The following ST14 variants were observed in gnomAD, a reference collection of about 807,000 sequenced individuals.
The protein encoded by ST14 is suppressor of tumorigenicity 14 protein.
ST14 carries 40 observed loss-of-function variants against 96.5 expected under a neutral mutation model. The ratio of observed to expected loss-of-function variants is 0.41; its 90% CI spans 0.32 to 0.54. ST14 has a LOEUF of 0.54. Ranked by LOEUF, ST14 falls within the 20% of genes least tolerant of loss-of-function variation. The pLI is 0.17. For synonymous variants in ST14, 506 were observed against 492.1 expected, an observed-to-expected ratio of 1.03 and a Z score of -0.37; for missense variants, 1,066 against 1,188.9, an observed-to-expected ratio of 0.90 and a Z score of 1.52.
chr11:130,185,014 A>T (rs1481508277), intron 1 of ST14, among the ~76,000 whole-genome samples: 2 of 152,238 alleles, frequency 1.3e-5, no homozygotes, highest in East Asian at 3.8e-4. Context: ...GTGGCAAGGC[A>T]TGCACACAGA....
At chr11:130,160,295 C>A (rs564448981) in intron 1 of ST14, among the ~76,000 whole-genome samples, 1 of 152,000 alleles carries the variant, frequency 6.6e-6, no homozygotes, top group East Asian at 1.9e-4. Context: ...CCTGGGCCTT[C>A]CTGCGCCCTC....
Position 130,196,587 on chromosome 11 carries a change from C to T in ST14, c.1241C>T (p.Ser414Phe), listed in dbSNP as rs1345280746. ...INGEKYCGER[S>F]QFVVTSNSNK... ...CCCTCCAGATACTGCGGAGAGAGGTCCCAGTTCGTCGTCACCAGCAACAGC... is the reference window on the plus strand; with the variant it reads ...CCCTCCAGATACTGCGGAGAGAGGTTCCAGTTCGTCGTCACCAGCAACAGC... Residue 414 changes from serine to phenylalanine, a missense_variant, in exon 11 of 19, where the codon TCC becomes TTC. Ser to Phe is a radical substitution (Grantham distance 155, BLOSUM62 -2). Coordinates refer to ENST00000278742, the MANE Select transcript of ST14 (RefSeq NM_021978.4). 3 of 1,606,420 alleles carry T rather than the reference C, an allele frequency of 1.9e-6. No homozygotes were observed. The highest frequency in any genetic ancestry group is 2.5e-6 in the Non-Finnish European group (3 of 1,176,552).
chr11:130,180,048 G>C (rs577461658), intron 1 of ST14, among the ~76,000 whole-genome samples: 4 of 152,186 alleles, frequency 2.6e-5, no homozygotes, highest in African/African-American at 9.7e-5. Context: ...CCCTGGTGGG[G>C]GTGATGACAT....
intron 6 of ST14, 26 bp downstream of exon 6, chr11:130,190,174 C>T: frequency 6.2e-7 from 1 of 1,614,200 alleles, no homozygotes; most frequent in South Asian, 1.1e-5. Flanking sequence ...GCCTCCTCTT[C>T]TGGGTGGGGA....
intron 16 of ST14, among the ~76,000 whole-genome samples, chr11:130,206,950 G>A (rs992485011): frequency 2.6e-5 from 4 of 152,138 alleles, no homozygotes; most frequent in South Asian, 2.1e-4. Flanking sequence ...ACTCAGGGTG[G>A]ACTGATGGAT....
chr11:130,176,536 C>T (rs1172015117), intron 1 of ST14, among the ~76,000 whole-genome samples: 1 of 151,444 alleles, frequency 6.6e-6, no homozygotes, highest in Non-Finnish European at 1.5e-5. Context: ...CTACAGGTGC[C>T]CACCACCACA....
In ST14 at chr11:130,188,417, A is replaced by G; in HGVS notation, c.242-113A>G. 1 of 1,595,364 alleles carries G rather than the reference A, an allele frequency of 6.3e-7. No homozygotes were observed. The highest frequency in any genetic ancestry group is 8.5e-7 in the Non-Finnish European group (1 of 1,169,692). On this transcript the variant is annotated intron_variant, in intron 2 of 18. Coordinates refer to ENST00000278742, the MANE Select transcript of ST14 (RefSeq NM_021978.4). This position sits in a 1 kb window ranked among gnomAD's most constrained non-coding sequence, Gnocchi z 5.4. ...ACCCTGATGGGGAGTGATGGGAAGC[A>G]GTCAGGGCTGACCCATGGCCCCCTC... is the stretch of plus-strand genomic sequence containing the variant.
At position 130,209,422 on chromosome 11, in the gene ST14, C is replaced by G. The variant is rs1244112212; in HGVS notation, c.2270-20C>G. The G allele has an allele frequency of 3.2e-6, 5 of 1,570,294 alleles. No homozygotes were observed. Among genetic ancestry groups the G allele is most frequent in the Non-Finnish European group, 3.5e-6 (4 of 1,157,878 alleles). On this transcript the variant is annotated intron_variant, in intron 17 of 18. Transcript: ENST00000278742. The stretch of plus-strand genomic sequence containing the variant: ...CCTCGAAGCAGCCCGGCTCTCAGCC[C>G]CGTCCTGCCCTCTCCCCAGGCACTG...
chr11:130,174,363 A>G (rs1953118038), intron 1 of ST14, among the ~76,000 whole-genome samples: 1 of 152,220 alleles, frequency 6.6e-6, no homozygotes, highest in African/African-American at 2.4e-5. Flanking sequence ...TTCAGATGAA[A>G]AAAGGGTTAA....
chr11:130,195,502 C>T lies in ST14; in HGVS notation c.1113+765C>T, dbSNP rs1367394671. Among the ~76,000 whole-genome samples, 6 of 152,156 alleles carry T rather than the reference C, an allele frequency of 3.9e-5. 1 individual carries two copies. Among genetic ancestry groups the T allele is most frequent in the South Asian group, 4.1e-4 (2 of 4,826 alleles). On this transcript the variant is annotated intron_variant, in intron 9 of 18. Coordinates refer to ENST00000278742, the MANE Select transcript of ST14 (RefSeq NM_021978.4). Reference sequence around the variant, plus strand: ...AAGAAGGTGTGTGAGACAAGAGAGTCGCCTGTCCGTGCCGCTCACGCCATC... The same window carrying T: ...AAGAAGGTGTGTGAGACAAGAGAGTTGCCTGTCCGTGCCGCTCACGCCATC...
At chr11:130,164,442 C>G (rs1292603069) in intron 1 of ST14, among the ~76,000 whole-genome samples, 1 of 148,772 alleles carries the variant, frequency 6.7e-6, no homozygotes, top group East Asian at 2.0e-4. Context: ...TTTTTTTAGA[C>G]AGGGTCTCCC....
chr11:130,187,973 TG>T lies in ST14; in HGVS notation c.82-136del. On this transcript the variant is annotated intron_variant, in intron 1 of 18. Transcript: ENST00000278742. This position sits in a 1 kb window ranked among gnomAD's most constrained non-coding sequence, Gnocchi z 4.5. ...CTCTGGGCAGTGGTCCCCATGCCTCTGGGGGAAGCCCCCTTCTTCTCACCCA... is the reference window on the plus strand; with the variant it reads ...CTCTGGGCAGTGGTCCCCATGCCTCTGGGGAAGCCCCCTTCTTCTCACCCA... 8.2e-7 allele frequency: 1 copy of T among 1,212,624 alleles called. No homozygotes were observed. The allele number at this position is 1,212,624 out of a possible 1,614,324, so 75.1% of individuals were successfully genotyped here. A position where few individuals can be genotyped will look rare whatever the true frequency, so the allele number is the denominator to read the frequency against.
chr11:130,194,875 T>TGC (rs1555154629), intron 9 of ST14, 138 bp downstream of exon 9: 165 of 792,718 alleles, frequency 2.1e-4, no homozygotes, highest in African/African-American at 6.6e-4. Flanking sequence ...TGTGTGTGTG[T>TGC]GCGTATGTGT....
intron 1 of ST14, among the ~76,000 whole-genome samples, chr11:130,184,679 A>G (rs1459647919): frequency 6.6e-6 from 1 of 152,220 alleles, no homozygotes; most frequent in African/African-American, 2.4e-5. Flanking sequence ...GGCCCCAAGC[A>G]AAAAGACAAA....
At chr11:130,198,678 C>A in intron 14 of ST14, 57 bp downstream of exon 14, 1 of 1,511,070 alleles carries the variant, frequency 6.6e-7, no homozygotes, top group South Asian at 1.1e-5. Context: ...AGGAGGCTGC[C>A]CTGAGCACAC....
At position 130,188,277 on chromosome 11, in the gene ST14, A is replaced by C; in HGVS notation, c.241+4A>C. 6.2e-7 allele frequency: 1 copy of C among 1,611,990 alleles called. No homozygotes were observed. Among genetic ancestry groups the C allele is most frequent in the Non-Finnish European group, 8.5e-7 (1 of 1,178,532 alleles). On this transcript the variant is annotated splice_donor_region_variant and intron_variant, in intron 2 of 18. Coordinates refer to ENST00000278742, the MANE Select transcript of ST14 (RefSeq NM_021978.4). This position sits in a 1 kb window ranked among gnomAD's most constrained non-coding sequence, Gnocchi z 5.4. ...TTCCTGGTGTGGCATTTGCAGTGTG[A>C]GTAAAGCTGGGGCTGGCTCCGGGGA...
rs375264907 is a variant in ST14, at chr11:130,188,481, C to T, written c.242-49C>T. ...CCCATTGTGGACGGCGAGGGACAGG[C>T]GGGGGTGGTACCACCTCCCCTGACT... On this transcript the variant is annotated intron_variant, in intron 2 of 18. Transcript: ENST00000278742. The surrounding 1 kb of genome is among the most constrained non-coding windows in gnomAD (Gnocchi z 5.4). 15 of 1,609,122 alleles carry T rather than the reference C, an allele frequency of 9.3e-6. No individual in the cohort carries two copies. Among genetic ancestry groups the T allele is most frequent in the East Asian group, 2.2e-5 (1 of 44,890 alleles).
rs142076966 is a variant in ST14, at chr11:130,196,601, A to G, written c.1255A>G (p.Thr419Ala). Residue 419 changes from threonine (T) to alanine (A), a missense_variant, in exon 11 of 19, where the codon ACC (threonine) becomes GCC (alanine). Transcript: ENST00000278742. ...YCGERSQFVV[T>A]SNSNKITVRF... ...CGGAGAGAGGTCCCAGTTCGTCGTCACCAGCAACAGCAACAAGATCACAGT... is the reference window on the plus strand; with the variant it reads ...CGGAGAGAGGTCCCAGTTCGTCGTCGCCAGCAACAGCAACAAGATCACAGT... 59 of 1,612,038 alleles carry G rather than the reference A, an allele frequency of 3.7e-5. No individual in the cohort carries two copies. In the African/African-American group the frequency reaches 6.9e-4, roughly 19 times the overall value.
chr11:130,198,040 C>G (rs553048313), intron 12 of ST14, 95 bp downstream of exon 12: 7 of 1,334,986 alleles, frequency 5.2e-6, no homozygotes, highest in Non-Finnish European at 7.3e-6. Flanking sequence ...GCAGAAAGGC[C>G]GGAGGTGGTG....
Sources: gnomAD v4.1 joint callset for allele counts (sites outside exome capture counted in the v4.1 genomes callset) on GRCh38, gnomAD v4.1.1 for gene constraint, Gnocchi (gnomAD v3.1) non-coding constraint, MANE v1.5 for transcripts, NCBI Gene and HGNC (gene_info 2026-07-23, HGNC 2026-07-21) for gene names.